Variants in FTO observed in about 807,000 individuals in gnomAD.
FTO encodes FTO alpha-ketoglutarate dependent dioxygenase, also known as alpha-ketoglutarate-dependent dioxygenase FTO.
In FTO, 47 loss-of-function variants were observed where a neutral mutation model predicts 63.9. That is an observed-to-expected ratio of 0.74 (90% CI 0.58 to 0.94). FTO has a LOEUF of 0.94. Among genes scored for constraint, FTO ranks in the 40% least tolerant of loss-of-function variants. The pLI, the probability that FTO is intolerant of heterozygous loss-of-function variation, is 0.00. For synonymous variants in FTO, 207 were observed against 224.4 expected (o/e 0.92, Z 0.69); for missense variants, 562 against 618.1 (o/e 0.91, Z 0.96).
At chr16:54,108,624 G>A (rs1451651773) in intron 8 of FTO, among the ~76,000 whole-genome samples, 6 of 152,168 alleles carry the variant, frequency 3.9e-5, no homozygotes, top group African/African-American at 7.2e-5. Flanking sequence ...ACTGGTACCT[G>A]GAGTAGAAGT....
chr16:53,881,074 A>T (rs1327896289), intron 6 of FTO, among the ~76,000 whole-genome samples: 2 of 151,434 alleles, frequency 1.3e-5, no homozygotes, highest in Non-Finnish European at 2.9e-5. Context: ...GTGAGCCAAG[A>T]TCGCGTGACT....
intron 8 of FTO, among the ~76,000 whole-genome samples, chr16:54,094,886 T>A (rs1330992956): frequency 6.6e-6 from 1 of 152,130 alleles, no homozygotes; most frequent in Non-Finnish European, 1.5e-5. Context: ...GTGACATAGA[T>A]CATATCATCC....
rs2080988892 is a variant in FTO at position 53,886,088 on chromosome 16, T to TAAG, written c.1120-2744_1120-2743insAAG. On this transcript the variant is annotated intron_variant, in intron 6 of 8. Transcript: ENST00000471389. ...ATCTGCCTCAAAACATGGTTGGGCATCCAAGGGAAGATGAAGGCATTATTT... is the reference window on the plus strand; with the variant it reads ...ATCTGCCTCAAAACATGGTTGGGCATAAGCCAAGGGAAGATGAAGGCATTATTT... 3.3e-5 allele frequency among the ~76,000 whole-genome samples: 5 copies of TAAG among 152,284 alleles called. No individual in the cohort carries two copies. The South Asian group carries it at 1.0e-3, about 32-fold the overall frequency.
At chr16:53,789,767 TACACAC>T (rs1555634083) in intron 1 of FTO, among the ~76,000 whole-genome samples, 9 of 147,778 alleles carry the variant, frequency 6.1e-5, no homozygotes, top group African/African-American at 2.2e-4. Context: ...TATATATATA[TACACAC>T]ACACACACAT....
intron 1 of FTO, among the ~76,000 whole-genome samples, chr16:53,800,652 C>T (rs539538748): frequency 5.7e-4 from 86 of 152,082 alleles, no homozygotes; most frequent in African/African-American, 1.9e-3. Flanking sequence ...GTTTGAAGAC[C>T]TGTTATTAGG....
intron 8 of FTO, among the ~76,000 whole-genome samples, chr16:53,963,797 G>C (rs1599101386): frequency 1.3e-5 from 2 of 152,296 alleles, no homozygotes; most frequent in East Asian, 3.9e-4. Flanking sequence ...CTGTCTCCCA[G>C]GCTGGAGTGC....
intron 8 of FTO, among the ~76,000 whole-genome samples, chr16:54,085,791 C>T (rs1028253328): frequency 2.0e-5 from 3 of 152,146 alleles, no homozygotes; most frequent in African/African-American, 7.2e-5. Flanking sequence ...CGACTCGTCT[C>T]GCTGTAGTTG....
chr16:53,795,417 C>G (rs529442873), intron 1 of FTO, among the ~76,000 whole-genome samples: 2 of 152,132 alleles, frequency 1.3e-5, no homozygotes, highest in Non-Finnish European at 2.9e-5. Flanking sequence ...GCTGGGACTA[C>G]AGGCACATGA....
intron 6 of FTO, among the ~76,000 whole-genome samples, chr16:53,886,487 A>G (rs965992648): frequency 3.9e-5 from 6 of 152,248 alleles, no homozygotes; most frequent in Non-Finnish European, 7.3e-5. Flanking sequence ...TTAAACCAGT[A>G]TCTTCACAGA....
chr16:54,013,560 C>A, intron 8 of FTO: 1 of 152,324 alleles, frequency 6.6e-6, no homozygotes, highest in South Asian at 2.0e-4. Flanking sequence ...AGAAATCTGT[C>A]ATGAAAGGAA....
At chr16:53,750,505 C>T (rs2076762913) in intron 1 of FTO, among the ~76,000 whole-genome samples, 1 of 152,126 alleles carries the variant, frequency 6.6e-6, no homozygotes, top group Admixed American at 6.5e-5. Flanking sequence ...TCCCAAAGTG[C>T]TGGGATTACA....
chr16:53,997,145 AG>A, intron 8 of FTO, among the ~76,000 whole-genome samples: 1 of 6,384 alleles, frequency 1.6e-4, no homozygotes, highest in Non-Finnish European at 2.2e-4. Context: ...GGAAAGAAAG[AG>A]AGAGAGAGAG....
At position 53,950,919 on chromosome 16, in the gene FTO, C is replaced by T. The variant is rs547585184; in HGVS notation, c.1364+16810C>T. On this transcript the variant is annotated intron_variant, in intron 8 of 8. Transcript: ENST00000471389. ...GACTCAGGTGCGGTGCACCTAGGCT[C>T]TTTCCTACAGAAGCAAACAGCTGTG... Among the ~76,000 whole-genome samples, 5 of 152,302 alleles carry T rather than the reference C, an allele frequency of 3.3e-5. No individual in the cohort carries two copies. The East Asian group carries it at 9.7e-4, about 29-fold the overall frequency.
At chr16:53,749,597 C>T (rs2076734576) in intron 1 of FTO, among the ~76,000 whole-genome samples, 1 of 152,050 alleles carries the variant, frequency 6.6e-6, no homozygotes, top group South Asian at 2.1e-4. Flanking sequence ...CGCCATCACG[C>T]CCGGCCAATT....
intron 8 of FTO, among the ~76,000 whole-genome samples, chr16:54,057,021 A>C (rs1235218505): frequency 6.6e-6 from 1 of 152,190 alleles, no homozygotes; most frequent in Non-Finnish European, 1.5e-5. Context: ...CCTGCCTTCA[A>C]AGAACTCACA....
intron 8 of FTO, among the ~76,000 whole-genome samples, chr16:53,996,779 G>A (rs1298784525): frequency 6.6e-6 from 1 of 152,076 alleles, no homozygotes; most frequent in Non-Finnish European, 1.5e-5. Flanking sequence ...GCAAGGAGAA[G>A]TGTCGAGCAA....
intron 7 of FTO, among the ~76,000 whole-genome samples, chr16:53,920,513 T>TTG (rs1484695479): frequency 1.3e-5 from 2 of 152,138 alleles, no homozygotes; most frequent in Admixed American, 6.6e-5. Context: ...AGTGTAGAAT[T>TTG]TGTGTGTGTG....
At chr16:53,937,893 G>C (rs963750130) in intron 8 of FTO, 2 of 152,114 alleles carry the variant, frequency 1.3e-5, no homozygotes, top group Non-Finnish European at 2.9e-5. Flanking sequence ...AAAAATCAGC[G>C]CCTTGTTTAT....
At chr16:53,942,116 G>A (rs1379723195) in intron 8 of FTO, among the ~76,000 whole-genome samples, 7 of 151,942 alleles carry the variant, frequency 4.6e-5, no homozygotes, top group Non-Finnish European at 1.0e-4. Context: ...TCTCAACCTT[G>A]CCTGGTGTGG....
Sources: allele counts gnomAD v4.1 joint callset (sites outside exome capture counted in the v4.1 genomes callset), GRCh38; gene constraint gnomAD v4.1.1; transcripts MANE v1.5; gene names NCBI Gene and HGNC (gene_info 2026-07-23, HGNC 2026-07-21).